The following NAALADL2 variants were observed in gnomAD, a reference collection of about 807,000 sequenced individuals.
The protein encoded by NAALADL2 is inactive N-acetylated-alpha-linked acidic dipeptidase-like protein 2.
A neutral mutation model predicts 87.2 loss-of-function variants in NAALADL2; 76 were observed. The observed-to-expected ratio is 0.87, with a 90% CI of 0.72 to 1.05. The LOEUF is 1.05. NAALADL2 is among the 50% of genes least tolerant of loss of function. The pLI, the probability that NAALADL2 is intolerant of heterozygous loss-of-function variation, is 0.00. For missense variants in NAALADL2, 1,089 were observed against 945.8 expected, an observed-to-expected ratio of 1.15 and a Z score of -1.99; for synonymous variants, 354 against 331.0, an observed-to-expected ratio of 1.07 and a Z score of -0.75.
chr3:175,239,752 G>A (rs1011567119), intron 3 of NAALADL2, among the ~76,000 whole-genome samples: 4 of 152,192 alleles, frequency 2.6e-5, no homozygotes, highest in African/African-American at 7.2e-5. Flanking sequence ...GCCCAGACTA[G>A]CATCCTTTCT....
At chr3:175,801,253 C>A (rs1754109843) in intron 13 of NAALADL2, among the ~76,000 whole-genome samples, 1 of 152,040 alleles carries the variant, frequency 6.6e-6, no homozygotes, top group Non-Finnish European at 1.5e-5. Context: ...ATAATTATTC[C>A]AAAATGAAAT....
At chr3:174,973,806 G>T (rs56180748) in intron 1 of NAALADL2, among the ~76,000 whole-genome samples, 1 of 152,126 alleles carries the variant, frequency 6.6e-6, no homozygotes. Context: ...TCTAGACATA[G>T]AAAAGTTACA....
intron 1 of NAALADL2, among the ~76,000 whole-genome samples, chr3:174,500,425 C>T (rs1718810408): frequency 6.6e-6 from 1 of 151,698 alleles, no homozygotes; most frequent in African/African-American, 2.4e-5. Context: ...TTATTTTTTT[C>T]CCCCTCCTCC....
At chr3:175,119,692 TATATAG>T (rs1553779279) in intron 2 of NAALADL2, among the ~76,000 whole-genome samples, 4 of 145,324 alleles carry the variant, frequency 2.8e-5, no homozygotes, top group South Asian at 2.1e-4. Flanking sequence ...AAGGTGTGTA[TATATAG>T]ATATAGATAT....
At chr3:174,892,204 T>A (rs1313305382) in intron 1 of NAALADL2, among the ~76,000 whole-genome samples, 1 of 152,092 alleles carries the variant, frequency 6.6e-6, no homozygotes, top group African/African-American at 2.4e-5. Flanking sequence ...CCATGAAACA[T>A]GACCTCACCA....
intron 1 of NAALADL2, among the ~76,000 whole-genome samples, chr3:175,071,495 C>A (rs1715633986): frequency 6.6e-6 from 1 of 152,048 alleles, no homozygotes; most frequent in Admixed American, 6.6e-5. Context: ...TATATTCACA[C>A]ATATTACCCT....
At chr3:175,415,674 G>T (rs1183925039) in intron 5 of NAALADL2, among the ~76,000 whole-genome samples, 1 of 151,938 alleles carries the variant, frequency 6.6e-6, no homozygotes, top group Admixed American at 6.6e-5. Flanking sequence ...ATACAAAAGA[G>T]AAAATCTCAA....
At chr3:175,439,992 C>T (rs1279302690) in intron 5 of NAALADL2, among the ~76,000 whole-genome samples, 3 of 151,868 alleles carry the variant, frequency 2.0e-5, no homozygotes, top group Non-Finnish European at 4.4e-5. Context: ...TTTTTCCCAA[C>T]GTTATCTTCT....
intron 2 of NAALADL2, among the ~76,000 whole-genome samples, chr3:175,188,780 C>T (rs576571514): frequency 1.2e-4 from 18 of 152,210 alleles, no homozygotes; most frequent in Middle Eastern, 3.4e-3. Context: ...ACTCTTGCTG[C>T]GTCCTCCCAA....
intron 1 of NAALADL2, among the ~76,000 whole-genome samples, chr3:174,945,003 C>A (rs1363951155): frequency 6.6e-6 from 1 of 152,144 alleles, no homozygotes; most frequent in African/African-American, 2.4e-5. Context: ...TTCAGTTCTT[C>A]TGGGTGAGAG....
intron 4 of NAALADL2, among the ~76,000 whole-genome samples, chr3:175,281,875 T>C (rs1268909260): frequency 6.6e-6 from 1 of 152,042 alleles, no homozygotes; most frequent in Non-Finnish European, 1.5e-5. Flanking sequence ...CTTAACAAAA[T>C]ACTTTATGAG....
At chr3:174,686,198 C>T (rs662642) in intron 2 of NAALADL2, among the ~76,000 whole-genome samples, 77,121 of 151,890 alleles carry the variant, frequency 0.51, 22,437 homozygotes, top group Non-Finnish European at 0.68. Flanking sequence ...AATGGGATTG[C>T]TGGATTAAAT....
intron 3 of NAALADL2, among the ~76,000 whole-genome samples, chr3:174,798,717 T>A (rs1188030388): frequency 2.0e-5 from 3 of 151,938 alleles, no homozygotes; most frequent in African/African-American, 7.3e-5. Flanking sequence ...TTAAGAAAGT[T>A]GATTTTTTAG....
At chr3:175,352,556 G>T (rs779697545) in intron 5 of NAALADL2, among the ~76,000 whole-genome samples, 1 of 152,076 alleles carries the variant, frequency 6.6e-6, no homozygotes, top group Non-Finnish European at 1.5e-5. Context: ...GCCAATCATA[G>T]GATATAAGGT....
chr3:175,791,155 GA>G (rs1752730035), intron 13 of NAALADL2, among the ~76,000 whole-genome samples: 1 of 152,210 alleles, frequency 6.6e-6, no homozygotes, highest in South Asian at 2.1e-4. Context: ...TATTTAATAT[GA>G]GGGGAAAAAT....
chr3:175,399,742 T>C (rs1770312758), intron 5 of NAALADL2, among the ~76,000 whole-genome samples: 1 of 152,118 alleles, frequency 6.6e-6, no homozygotes, highest in South Asian at 2.1e-4. Flanking sequence ...CCCTGTGACT[T>C]AGAATGTTTT....
intron 1 of NAALADL2, among the ~76,000 whole-genome samples, chr3:174,925,755 T>G (rs112379212): frequency 6.6e-6 from 1 of 152,212 alleles, no homozygotes; most frequent in East Asian, 1.9e-4. Context: ...TTCATTGAGC[T>G]GTGGTTTGTA....
In NAALADL2 at chr3:175,444,064, C is replaced by T. The variant is rs1472251542; in HGVS notation, c.1091-3165C>T. Reference sequence around the variant, plus strand: ...TGTAAGGGTATAGCTTAAGATTTTGCTTAAGATGTATGAAGAAAACTGATA... The same window carrying T: ...TGTAAGGGTATAGCTTAAGATTTTGTTTAAGATGTATGAAGAAAACTGATA... On this transcript the variant is annotated intron_variant, in intron 5 of 13. Coordinates refer to ENST00000454872, the MANE Select transcript of NAALADL2 (RefSeq NM_207015.3). 3.3e-5 allele frequency among the ~76,000 whole-genome samples: 5 copies of T among 152,128 alleles called. No individual in the cohort carries two copies. The East Asian group carries it at 9.7e-4, about 30-fold the overall frequency.
intron 12 of NAALADL2, among the ~76,000 whole-genome samples, chr3:175,744,313 G>GC (rs1745634009): frequency 6.6e-6 from 1 of 152,166 alleles, no homozygotes; most frequent in Admixed American, 6.5e-5. Context: ...AAATGGATGA[G>GC]CCAGGAGTAC....
Sources: allele counts gnomAD v4.1 joint callset (sites outside exome capture counted in the v4.1 genomes callset), GRCh38; gene constraint gnomAD v4.1.1; transcripts MANE v1.5; gene names NCBI Gene and HGNC (gene_info 2026-07-23, HGNC 2026-07-21).